Variants in ZNF79 observed in about 807,000 individuals in gnomAD.
The protein encoded by ZNF79 is zinc finger protein 79, also known as ZNFpT7.
A neutral mutation model predicts 14.9 loss-of-function variants in ZNF79; 13 were observed. That is an observed-to-expected ratio of 0.87 (90% CI 0.57 to 1.38). The LOEUF (loss-of-function observed/expected upper bound fraction) is 1.38, where lower values mean the gene tolerates loss of function less well. Ranked by LOEUF, ZNF79 falls within the 40% of genes most tolerant of loss-of-function variation. The probability of loss-of-function intolerance (pLI) is 0.00; values close to 1 mark genes in which losing one functional copy is unlikely to be tolerated. For missense variants in ZNF79, 631 were observed against 630.6 expected (o/e 1.00, Z -0.01); for synonymous variants, 223 against 235.1 (o/e 0.95, Z 0.47).
At chr9:127,427,436 A>C (rs1290662549) in intron 1 of ZNF79, among the ~76,000 whole-genome samples, 1 of 151,728 alleles carries the variant, frequency 6.6e-6, no homozygotes, top group Non-Finnish European at 1.5e-5. Context: ...AAAAAAAAAA[A>C]ACACAAAACA....
At chr9:127,437,946 G>A (rs569490085) in intron 4 of ZNF79, among the ~76,000 whole-genome samples, 2 of 152,192 alleles carry the variant, frequency 1.3e-5, no homozygotes, top group South Asian at 4.2e-4. Context: ...TGGCCCCAAA[G>A]GTTAAAATCA....
At chr9:127,438,465 T>C (rs1050693677) in intron 4 of ZNF79, among the ~76,000 whole-genome samples, 1 of 152,226 alleles carries the variant, frequency 6.6e-6, no homozygotes, top group Non-Finnish European at 1.5e-5. Context: ...AGCCTCCATG[T>C]GTTCAGCTCT....
At chr9:127,441,862 A>G (rs563358945) in intron 4 of ZNF79, among the ~76,000 whole-genome samples, 3 of 147,766 alleles carry the variant, frequency 2.0e-5, no homozygotes, top group South Asian at 2.2e-4. Context: ...GGAGAATGGC[A>G]TGAACCCGGG....
rs1386501821 is a variant in ZNF79, at chr9:127,430,678, T to G, written c.105+1758T>G. 2.0e-5 allele frequency among the ~76,000 whole-genome samples: 3 copies of G among 152,232 alleles called. No individual in the cohort carries two copies. In the East Asian group the frequency reaches 5.8e-4, roughly 29 times the overall value. ...ATATTTTCTTTATCTAGACCACCAT[T>G]GGCAGGCACCTGGGTTGACTGCATG... is the stretch of plus-strand genomic sequence containing the variant. On this transcript the variant is annotated intron_variant, in intron 2 of 4. Transcript: ENST00000342483.
chr9:127,436,603 C>G (rs1210067980), intron 4 of ZNF79, among the ~76,000 whole-genome samples: 1 of 152,356 alleles, frequency 6.6e-6, no homozygotes, highest in South Asian at 2.1e-4. Flanking sequence ...GCTGCTCTCT[C>G]CCCTAATCTC....
In ZNF79 at chr9:127,444,853, G is replaced by A. The variant is rs1160653024; in HGVS notation, c.1153G>A (p.Gly385Arg). The A allele has an allele frequency of 1.2e-6, 2 of 1,613,946 alleles. No homozygotes were observed. The highest frequency in any genetic ancestry group is 2.7e-5 in the African/African-American group (2 of 74,892). The change falls in exon 5 of 5, where the codon GGG becomes AGG. Residue 385 changes from glycine (G) to arginine (R), a missense_variant. Gly to Arg is a moderately radical substitution (Grantham distance 125, BLOSUM62 -2). Transcript: ENST00000342483. ...NLTNHQRTHTGEKPYKCSECG... is the reference protein window; with the variant it reads ...NLTNHQRTHTREKPYKCSECG... ...CACAAACCATCAGAGGACTCACACTGGGGAGAAACCCTACAAGTGCAGCGA... is the reference window on the plus strand; with the variant it reads ...CACAAACCATCAGAGGACTCACACTAGGGAGAAACCCTACAAGTGCAGCGA...
chr9:127,429,499 T>C (rs1833822623), intron 2 of ZNF79, among the ~76,000 whole-genome samples: 1 of 151,556 alleles, frequency 6.6e-6, no homozygotes, highest in Admixed American at 6.6e-5. Context: ...TTTTTTTTTT[T>C]TTTTTAACTT....
At chr9:127,425,407 C>T (rs2131938715) in intron 1 of ZNF79, among the ~76,000 whole-genome samples, 1 of 152,308 alleles carries the variant, frequency 6.6e-6, no homozygotes, top group Non-Finnish European at 1.5e-5. Context: ...CTTTTGAAAG[C>T]ACCCTGAATG....
intron 4 of ZNF79, among the ~76,000 whole-genome samples, chr9:127,437,131 T>C (rs1833962776): frequency 1.3e-5 from 2 of 151,964 alleles, no homozygotes; most frequent in East Asian, 1.9e-4. Flanking sequence ...TTATAAGTTA[T>C]TGCTGCTGAT....
chr9:127,426,467 C>T (rs754757938), intron 1 of ZNF79, among the ~76,000 whole-genome samples: 2 of 151,782 alleles, frequency 1.3e-5, no homozygotes, highest in African/African-American at 2.4e-5. Context: ...CTCCGCCTCC[C>T]GCGTTCAAGT....
chr9:127,427,728 G>A (rs906497403), intron 1 of ZNF79, among the ~76,000 whole-genome samples: 2 of 151,950 alleles, frequency 1.3e-5, no homozygotes, highest in Non-Finnish European at 2.9e-5. Context: ...AGTAGAGATG[G>A]GGTTTCATTA....
At chr9:127,433,782 G>T (rs1177875467) in intron 2 of ZNF79, among the ~76,000 whole-genome samples, 5 of 152,086 alleles carry the variant, frequency 3.3e-5, no homozygotes, top group African/African-American at 7.2e-5. Context: ...TCTTCTCTTT[G>T]TGATGACACT....
chr9:127,442,865 C>CTGTG (rs112600999), intron 4 of ZNF79, among the ~76,000 whole-genome samples: 58 of 149,498 alleles, frequency 3.9e-4, no homozygotes, highest in East Asian at 9.8e-4. Context: ...GTCTCAAAAT[C>CTGTG]TGTGTGTGTG....
intron 2 of ZNF79, among the ~76,000 whole-genome samples, chr9:127,429,372 G>A (rs1371147636): frequency 6.6e-6 from 1 of 150,650 alleles, no homozygotes; most frequent in Non-Finnish European, 1.5e-5. Flanking sequence ...CTAGAATGCA[G>A]CGCAGTGGTG....
At chr9:127,428,982 T>G in intron 2 of ZNF79, 62 bp downstream of exon 2, 1 of 1,131,848 alleles carries the variant, frequency 8.8e-7, no homozygotes, top group Non-Finnish European at 1.2e-6. Flanking sequence ...AATGGTAGGG[T>G]TGCCTTGTTT....
intron 4 of ZNF79, among the ~76,000 whole-genome samples, chr9:127,439,180 T>TACACACACACACACACACAC (rs35455038): frequency 5.3e-5 from 2 of 37,436 alleles, no homozygotes; most frequent in East Asian, 8.2e-4. Flanking sequence ...GTGGGTGAAA[T>TACACACACACACACACACAC]ACACACACAC....
intron 1 of ZNF79, 71 bp from the exon 2 acceptor site, chr9:127,428,761 C>A: frequency 7.3e-7 from 1 of 1,373,908 alleles, no homozygotes; most frequent in South Asian, 1.7e-5. Context: ...TGCTATGTCC[C>A]CTCTTCACAG....
rs139916995 is a variant in ZNF79, at chr9:127,444,193, G to A, written c.493G>A (p.Val165Met). The A allele has an allele frequency of 1.9e-4, 302 of 1,614,024 alleles. No homozygotes were observed. In the African/African-American group the frequency reaches 3.6e-3, roughly 19 times the overall value. ...PVLSPQQRVP[V>M]EARPRKCETH... ...CCTCTCTCCGCAACAGAGAGTGCCC[G>A]TGGAAGCGAGACCTCGCAAATGTGA... is the stretch of plus-strand genomic sequence containing the variant. The change falls in exon 5 of 5, where the codon GTG (valine) becomes ATG (methionine). Residue 165 changes from valine to methionine, a missense_variant. Coordinates refer to ENST00000342483, the MANE Select transcript of ZNF79 (RefSeq NM_007135.3).
chr9:127,437,911 G>A (rs978670579), intron 4 of ZNF79, among the ~76,000 whole-genome samples: 1 of 151,960 alleles, frequency 6.6e-6, no homozygotes, highest in Non-Finnish European at 1.5e-5. Context: ...GACATGATGT[G>A]GGGGCACTGT....
Sources: gnomAD v4.1 joint callset for allele counts (sites outside exome capture counted in the v4.1 genomes callset) on GRCh38, gnomAD v4.1.1 for gene constraint, MANE v1.5 for transcripts, NCBI Gene and HGNC (gene_info 2026-07-23, HGNC 2026-07-21) for gene names.